EPB41L3: variants seen among roughly 807,000 people sequenced by gnomAD.
EPB41L3 encodes the protein erythrocyte membrane protein band 4.1 like 3.
Under a neutral mutation model 127.1 loss-of-function variants are expected in EPB41L3, and 57 were observed. That is an observed-to-expected ratio of 0.45 (90% CI 0.36 to 0.56). The LOEUF (loss-of-function observed/expected upper bound fraction) is 0.56, where lower values mean the gene tolerates loss of function less well. Ranked by LOEUF, EPB41L3 falls within the 20% of genes least tolerant of loss-of-function variation. EPB41L3 has a pLI of 0.00. For missense variants in EPB41L3, 1,273 were observed against 1,372.2 expected (o/e 0.93, Z 1.14); for synonymous variants, 572 against 549.5 (o/e 1.04, Z -0.57).
At chr18:5,600,961 T>C (rs1599231262) in intron 3 of EPB41L3, among the ~76,000 whole-genome samples, 1 of 152,202 alleles carries the variant, frequency 6.6e-6, no homozygotes, top group Admixed American at 6.5e-5. Context: ...AAAGGGCACA[T>C]AGTACTCAGC....
At chr18:5,490,248 A>G (rs1209153827) in intron 1 of EPB41L3, among the ~76,000 whole-genome samples, 1 of 152,206 alleles carries the variant, frequency 6.6e-6, no homozygotes, top group Non-Finnish European at 1.5e-5. Flanking sequence ...TCTCAAGTAC[A>G]AATATCTCAT....
At chr18:5,561,167 C>T (rs1010898287) in intron 3 of EPB41L3, among the ~76,000 whole-genome samples, 4 of 151,372 alleles carry the variant, frequency 2.6e-5, no homozygotes, top group South Asian at 2.1e-4. Flanking sequence ...TCAGTAGAGA[C>T]GGGGTTTCAC....
chr18:5,445,014 A>C (rs1429583703), intron 4 of EPB41L3, 126 bp downstream of exon 4: 1 of 659,696 alleles, frequency 1.5e-6, no homozygotes, highest in Non-Finnish European at 2.7e-6. Flanking sequence ...TTACAGACTC[A>C]AAGTAGAAAG....
chr18:5,593,806 CT>C (rs1568620592), intron 3 of EPB41L3, among the ~76,000 whole-genome samples: 1 of 152,186 alleles, frequency 6.6e-6, no homozygotes, highest in Non-Finnish European at 1.5e-5. Flanking sequence ...CAGGGATGTT[CT>C]TTGCTGAGAA....
At chr18:5,630,347 C>T (rs758903104), upstream of EPB41L3, 1 of 517,476 alleles carries the variant, frequency 1.9e-6, no homozygotes, top group Non-Finnish European at 3.8e-6. Flanking sequence ...CCGGCCTACG[C>T]CCGGCTGCCA....
chr18:5,617,421 C>A (rs1393450526), intron 1 of EPB41L3, among the ~76,000 whole-genome samples: 1 of 151,912 alleles, frequency 6.6e-6, no homozygotes, highest in Non-Finnish European at 1.5e-5. Context: ...CAGGTTCACG[C>A]CATTCTCCTG....
At chr18:5,425,212 A>T (rs942668032) in intron 9 of EPB41L3, among the ~76,000 whole-genome samples, 1 of 152,136 alleles carries the variant, frequency 6.6e-6, no homozygotes. Flanking sequence ...CAAAGAACCG[A>T]GGTGAGGGGT....
intron 5 of EPB41L3, among the ~76,000 whole-genome samples, chr18:5,443,452 C>G (rs1350609869): frequency 6.6e-6 from 1 of 152,246 alleles, no homozygotes; most frequent in Admixed American, 6.5e-5. Flanking sequence ...TGTTACCAGA[C>G]AGTAAACCTC....
chr18:5,403,224 G>A (rs2074799068), intron 16 of EPB41L3, among the ~76,000 whole-genome samples: 1 of 151,934 alleles, frequency 6.6e-6, no homozygotes, highest in South Asian at 2.1e-4. Context: ...CCTGTGTGTG[G>A]GTTTATTTGC....
chr18:5,569,012 C>T (rs1340590849), intron 3 of EPB41L3, among the ~76,000 whole-genome samples: 1 of 152,294 alleles, frequency 6.6e-6, no homozygotes, highest in Non-Finnish European at 1.5e-5. Flanking sequence ...TATAATCTTA[C>T]AAAATTCCTC....
chr18:5,519,773 A>G (rs1165470069), intron 1 of EPB41L3, among the ~76,000 whole-genome samples: 1 of 152,180 alleles, frequency 6.6e-6, no homozygotes, highest in Admixed American at 6.5e-5. Flanking sequence ...GAAAGGATAT[A>G]TTTCTCTTTC....
intron 1 of EPB41L3, among the ~76,000 whole-genome samples, chr18:5,526,186 G>A (rs1206198124): frequency 2.0e-5 from 3 of 152,160 alleles, no homozygotes; most frequent in Non-Finnish European, 4.4e-5. Flanking sequence ...ACATCCAATT[G>A]AGAACAGTTA....
rs769509413 is a variant in EPB41L3, at chr18:5,396,344, G to A, written c.2842-12C>T. On this transcript the variant is annotated splice_polypyrimidine_tract_variant and intron_variant, in intron 18 of 22. Transcript: ENST00000341928. ...TTCACCGTTGAGGACTGTGCCAAAG[G>A]GGAGTAAGCAGAGTGGCTGTTATAG... The A allele has an allele frequency of 5.6e-6, 9 of 1,613,958 alleles. No individual in the cohort carries two copies. In the African/African-American group the frequency reaches 1.1e-4, roughly 19 times the overall value.
Position 5,397,037 on chromosome 18 carries a change from G to A in EPB41L3, c.2841+21C>T, listed in dbSNP as rs1411662898. Reference sequence around the variant, plus strand: ...TATCAGTTTTATTTTAGTGATAAAAGTAACATTTACTACTAGTTACCTCAA... The same window carrying A: ...TATCAGTTTTATTTTAGTGATAAAAATAACATTTACTACTAGTTACCTCAA... On this transcript the variant is annotated intron_variant, in intron 18 of 22. Coordinates refer to ENST00000341928, the MANE Select transcript of EPB41L3 (RefSeq NM_012307.5). The surrounding 1 kb of genome is among the most constrained non-coding windows in gnomAD (Gnocchi z 4.1). The A allele has an allele frequency of 1.3e-6, 2 of 1,556,440 alleles. No homozygotes were observed. The highest frequency in any genetic ancestry group is 2.2e-5 in the East Asian group (1 of 44,488).
chr18:5,592,351 G>C (rs927704084), intron 3 of EPB41L3, among the ~76,000 whole-genome samples: 4 of 152,138 alleles, frequency 2.6e-5, no homozygotes, highest in Admixed American at 6.5e-5. Context: ...ACTTTTAGGA[G>C]AGACAGGGTT....
Position 5,416,102 on chromosome 18 carries a change from A to G in EPB41L3, c.1783T>C (p.Ser595Pro). The change falls in exon 13 of 23, where the codon TCA (serine) becomes CCA (proline). Residue 595 changes from serine (S) to proline (P), a missense_variant. Ser to Pro is a moderately conservative substitution (Grantham distance 74, BLOSUM62 -1). Around this residue, in one of 3 missense-constraint regions of EPB41L3, gnomAD observed 765 missense variants for 782.9 expected, o/e 0.98. Coordinates refer to ENST00000341928, the MANE Select transcript of EPB41L3 (RefSeq NM_012307.5). ...LFSFSLQLPESFPSLLDDDGY... is the reference protein window; with the variant it reads ...LFSFSLQLPEPFPSLLDDDGY... ...TCATCATCTAGGAGGGAGGGGAATG[A>G]CTCAGGGAGCTGCAAGGAGAAGGAG... 1 of 1,612,384 alleles carries G rather than the reference A, an allele frequency of 6.2e-7. No homozygotes were observed. Among genetic ancestry groups the G allele is most frequent in the Non-Finnish European group, 8.5e-7 (1 of 1,178,932 alleles).
intron 3 of EPB41L3, among the ~76,000 whole-genome samples, chr18:5,457,964 T>A (rs1014341380): frequency 1.1e-4 from 16 of 152,148 alleles, no homozygotes; most frequent in African/African-American, 3.6e-4. Flanking sequence ...GTGGTCGGGG[T>A]AGCCTACCTG....
At chr18:5,554,637 C>T (rs1304238095) in intron 3 of EPB41L3, among the ~76,000 whole-genome samples, 1 of 152,184 alleles carries the variant, frequency 6.6e-6, no homozygotes, top group Non-Finnish European at 1.5e-5. Context: ...CAGTAGGGCT[C>T]CTCTTCCACC....
At chr18:5,550,439 A>G (rs1439714394) in intron 3 of EPB41L3, among the ~76,000 whole-genome samples, 1 of 152,160 alleles carries the variant, frequency 6.6e-6, no homozygotes, top group Non-Finnish European at 1.5e-5. Flanking sequence ...TCTCCTATCA[A>G]TTTATTAAGG....
Sources: allele counts gnomAD v4.1 joint callset (sites outside exome capture counted in the v4.1 genomes callset), GRCh38; gene constraint gnomAD v4.1.1; regional missense constraint gnomAD v4.1.1; non-coding constraint Gnocchi (gnomAD v3.1); transcripts MANE v1.5; gene names NCBI Gene and HGNC (gene_info 2026-07-23, HGNC 2026-07-21).